MAOA: variants seen among roughly 807,000 people sequenced by gnomAD.
The protein encoded by MAOA is monoamine oxidase A, also known as amine oxidase [flavin-containing] A.
Under a neutral mutation model 42.0 loss-of-function variants are expected in MAOA, and 6 were observed. The ratio of observed to expected loss-of-function variants is 0.14; its 90% CI spans 0.08 to 0.28. The LOEUF is 0.28. Among genes scored for constraint, MAOA ranks in the 10% least tolerant of loss-of-function variants. The probability of loss-of-function intolerance (pLI) is 1.00; values close to 1 mark genes in which losing one functional copy is unlikely to be tolerated. For synonymous variants in MAOA, 140 were observed against 154.0 expected, an observed-to-expected ratio of 0.91 and a Z score of 0.67; for missense variants, 262 against 422.3, an observed-to-expected ratio of 0.62 and a Z score of 3.33.
At position 43,731,867 on chromosome X, in the gene MAOA, A is replaced by G. The variant is rs2033884900; in HGVS notation, c.955+14A>G. 4.2e-6 allele frequency: 5 copies of G among 1,188,790 alleles called. No homozygotes were observed. The East Asian group carries it at 1.2e-4, about 28-fold the overall frequency. On this transcript the variant is annotated intron_variant, in intron 8 of 14. Transcript: ENST00000338702. ...GGAAGAAGAAGGGTAGGCTGCTATT[A>G]TTCATGTTTAAACTGTATTATATGA...
intron 10 of MAOA, among the ~76,000 whole-genome samples, chrX:43,737,997 GACAAAA>G (rs2033932971): frequency 8.9e-6 from 1 of 111,975 alleles, no homozygotes; most frequent in Non-Finnish European, 1.9e-5. Context: ...ATATGTCATT[GACAAAA>G]ACAGTGGTTC....
chrX:43,712,844 G>A (rs763251139), intron 5 of MAOA, 48 bp downstream of exon 5: 50 of 907,087 alleles, frequency 5.5e-5, no homozygotes, highest in East Asian at 1.6e-4. Context: ...TTCCCTTCTC[G>A]TCTTTTATAT....
At chrX:43,690,042 C>T (rs2033520208) in intron 2 of MAOA, among the ~76,000 whole-genome samples, 2 of 109,765 alleles carry the variant, frequency 1.8e-5, no homozygotes, top group African/African-American at 6.6e-5. Context: ...TTTAGGAGCT[C>T]TTTTCTTTGG....
chrX:43,670,494 T>G (rs1034489413), intron 1 of MAOA, among the ~76,000 whole-genome samples: 2 of 108,564 alleles, frequency 1.8e-5, no homozygotes, highest in Non-Finnish European at 3.8e-5. Context: ...ATGTGCACAA[T>G]GTGCAGGTTA....
Position 43,744,921 on chromosome X carries a change from T to C in MAOA, c.*408T>C. 4.5e-6 allele frequency: 1 copy of C among 221,743 alleles called. No individual in the cohort carries two copies. The highest frequency in any genetic ancestry group is 2.9e-5 in the African/African-American group (1 of 35,057). The allele number at this position is 221,743 out of a possible 1,213,427, so 18.3% of individuals were successfully genotyped here. ...GTGGAGTAGGTGAAGGCCCAGCCTG[T>C]AACTGTCCTTTTTCTTCCCTTAGGC... On this transcript the variant is annotated 3_prime_UTR_variant, in exon 15 of 15. Coordinates refer to ENST00000338702, the MANE Select transcript of MAOA (RefSeq NM_000240.4).
In MAOA at chrX:43,744,364, T is replaced by C. The variant is rs202232897; in HGVS notation, c.1438-3T>C. The C allele has an allele frequency of 4.1e-5, 50 of 1,209,339 alleles. No homozygotes were observed. In the Admixed American group the frequency reaches 1.0e-3, roughly 25 times the overall value. On this transcript the variant is annotated splice_region_variant and splice_polypyrimidine_tract_variant and intron_variant, in intron 14 of 14. Coordinates refer to ENST00000338702, the MANE Select transcript of MAOA (RefSeq NM_000240.4). ...TGCTCATGATCTGTGTTCCTTCATC[T>C]AGGACGTTCCAGCGGTAGAAATCAC...
At chrX:43,675,214 T>G in intron 1 of MAOA, among the ~76,000 whole-genome samples, 1 of 112,066 alleles carries the variant, frequency 8.9e-6, no homozygotes. Context: ...CTGATACCCT[T>G]TCTTCCAGCT....
At chrX:43,693,461 G>A (rs1417206623) in intron 3 of MAOA, 33 bp downstream of exon 3, 2 of 1,195,557 alleles carry the variant, frequency 1.7e-6, no homozygotes, top group South Asian at 3.6e-5. Context: ...GTGACTGATA[G>A]GGAAGCATTT....
chrX:43,717,454 G>A (rs994578649), intron 5 of MAOA, among the ~76,000 whole-genome samples: 22 of 111,836 alleles, frequency 2.0e-4, no homozygotes, highest in African/African-American at 6.8e-4. Flanking sequence ...ATATTTTCTG[G>A]GAATGAGCCA....
chrX:43,673,240 G>A (rs768050041), intron 1 of MAOA, among the ~76,000 whole-genome samples: 2 of 111,580 alleles, frequency 1.8e-5, no homozygotes, highest in South Asian at 7.5e-4. Flanking sequence ...GGTGTTTGTA[G>A]TATTCTCTGA....
intron 1 of MAOA, among the ~76,000 whole-genome samples, chrX:43,661,759 A>AT (rs925058913): frequency 2.1e-4 from 23 of 109,477 alleles, no homozygotes; most frequent in African/African-American, 6.3e-4. Context: ...GTGTTTCTTC[A>AT]TTTTTTTTTA....
At chrX:43,701,160 T>C (rs2033622200) in intron 3 of MAOA, among the ~76,000 whole-genome samples, 1 of 111,799 alleles carries the variant, frequency 8.9e-6, no homozygotes, top group Non-Finnish European at 1.9e-5. Context: ...ACTTTCATTC[T>C]TTTTTCCCCC....
At chrX:43,741,636 G>T (rs1163107464) in intron 11 of MAOA, among the ~76,000 whole-genome samples, 1 of 111,319 alleles carries the variant, frequency 9.0e-6, no homozygotes, top group Non-Finnish European at 1.9e-5. Flanking sequence ...TGTTGATGGG[G>T]TTTCCTATAG....
intron 1 of MAOA, among the ~76,000 whole-genome samples, chrX:43,665,852 AG>A (rs1974335153): frequency 9.0e-6 from 1 of 111,457 alleles, no homozygotes; most frequent in Admixed American, 9.5e-5. Context: ...ATAGATAGAT[AG>A]ATAGGAATGG....
chrX:43,716,884 G>A (rs1244463473), intron 5 of MAOA, among the ~76,000 whole-genome samples: 1 of 110,685 alleles, frequency 9.0e-6, no homozygotes, highest in African/African-American at 3.3e-5. Flanking sequence ...TGGGCTAAGG[G>A]GACACAGGGA....
At chrX:43,675,668 C>T (rs1408056156) in intron 1 of MAOA, among the ~76,000 whole-genome samples, 1 of 112,353 alleles carries the variant, frequency 8.9e-6, no homozygotes, top group Non-Finnish European at 1.9e-5. Flanking sequence ...CAGACAGGAC[C>T]CTCAGCTGCA....
intron 4 of MAOA, 94 bp downstream of exon 4, chrX:43,712,070 G>GTGTCC: frequency 1.5e-6 from 1 of 669,084 alleles, no homozygotes; most frequent in Non-Finnish European, 2.4e-6. Context: ...CATTGCTCTG[G>GTGTCC]ACACCAATGC....
chrX:43,687,303 C>A (rs1426667736), intron 2 of MAOA, among the ~76,000 whole-genome samples: 1 of 112,078 alleles, frequency 8.9e-6, no homozygotes, highest in Non-Finnish European at 1.9e-5. Context: ...ATGCCTCACT[C>A]TTTTTACTGC....
rs771008597 is a variant in MAOA at position 43,733,166 on chromosome X, A to T, written c.1052+371A>T. On this transcript the variant is annotated intron_variant, in intron 9 of 14. Transcript: ENST00000338702. ...GAACTAACCGCTTTATTCTATAAAAACATTCTAAATGTGGGGTTTCTCGGT... is the reference window on the plus strand; with the variant it reads ...GAACTAACCGCTTTATTCTATAAAATCATTCTAAATGTGGGGTTTCTCGGT... Among the ~76,000 whole-genome samples, 5 of 112,292 alleles carry T rather than the reference A, an allele frequency of 4.5e-5. No individual in the cohort carries two copies. In the South Asian group the frequency reaches 1.9e-3, roughly 43 times the overall value.
Sources: gnomAD v4.1 joint callset for allele counts (sites outside exome capture counted in the v4.1 genomes callset) on GRCh38, gnomAD v4.1.1 for gene constraint, MANE v1.5 for transcripts, NCBI Gene and HGNC (gene_info 2026-07-23, HGNC 2026-07-21) for gene names.